Variants in PARD3B observed in about 807,000 individuals in gnomAD.
The protein encoded by PARD3B is partitioning defective 3 homolog B.
Under a neutral mutation model 130.2 loss-of-function variants are expected in PARD3B, and 103 were observed. The ratio of observed to expected loss-of-function variants is 0.79; its 90% CI spans 0.67 to 0.93. The LOEUF (loss-of-function observed/expected upper bound fraction) is 0.93, where lower values mean the gene tolerates loss of function less well. Among genes scored for constraint, PARD3B ranks in the 40% least tolerant of loss-of-function variants. The pLI is 0.00. For missense variants in PARD3B, 1,609 were observed against 1,499.2 expected (o/e 1.07, Z -1.21); for synonymous variants, 583 against 553.2 (o/e 1.05, Z -0.76).
intron 4 of PARD3B, among the ~76,000 whole-genome samples, chr2:205,088,446 G>T (rs1045737185): frequency 6.6e-6 from 1 of 152,110 alleles, no homozygotes; most frequent in African/African-American, 2.4e-5. Flanking sequence ...TGATAAGCTG[G>T]GCTTGGGGGG....
chr2:205,315,681 C>A (rs978810580), intron 18 of PARD3B, among the ~76,000 whole-genome samples: 6 of 152,096 alleles, frequency 3.9e-5, no homozygotes. Flanking sequence ...TTTAGCGTTT[C>A]TCTCTCCAAC....
At chr2:204,996,209 G>GT (rs1694156480) in intron 3 of PARD3B, among the ~76,000 whole-genome samples, 1 of 132,958 alleles carries the variant, frequency 7.5e-6, no homozygotes, top group African/African-American at 2.9e-5. Flanking sequence ...CATCTTTGTG[G>GT]TTTTATCTAC....
chr2:205,194,774 A>T (rs1015531672), intron 15 of PARD3B, among the ~76,000 whole-genome samples: 2 of 151,704 alleles, frequency 1.3e-5, no homozygotes, highest in African/African-American at 2.4e-5. Context: ...TTACATTTTA[A>T]TTTTATTATT....
At chr2:205,444,226 G>A (rs541284743) in intron 20 of PARD3B, among the ~76,000 whole-genome samples, 3 of 152,070 alleles carry the variant, frequency 2.0e-5, no homozygotes, top group African/African-American at 4.8e-5. Context: ...CAGGTGATCT[G>A]CCCCCCTTGG....
chr2:204,689,493 A>G lies in PARD3B; in HGVS notation c.222+3211A>G, dbSNP rs551858687. 6.6e-6 allele frequency among the ~76,000 whole-genome samples: 1 copy of G among 152,138 alleles called. No homozygotes were observed. Among genetic ancestry groups the G allele is most frequent in the Non-Finnish European group, 1.5e-5 (1 of 68,016 alleles). On this transcript the variant is annotated intron_variant, in intron 2 of 22. Transcript: ENST00000406610. This position sits in a 1 kb window ranked among gnomAD's most constrained non-coding sequence, Gnocchi z 5.2. ...ATTCTCAAGATTCTTCAGTTTGTCT[A>G]TCAGTCTGATGATTCGAGTTCTTTG... is the stretch of plus-strand genomic sequence containing the variant.
intron 16 of PARD3B, among the ~76,000 whole-genome samples, chr2:205,249,156 T>TAAGGAAAATCATAATTA (rs1450977575): frequency 1.3e-5 from 2 of 150,966 alleles, no homozygotes; most frequent in African/African-American, 2.4e-5. Context: ...ATTACAGGCA[T>TAAGGAAAATCATAATTA]GTGTGTGGTG....
intron 3 of PARD3B, among the ~76,000 whole-genome samples, chr2:205,003,219 T>C (rs1351090699): frequency 6.6e-6 from 1 of 152,188 alleles, no homozygotes; most frequent in African/African-American, 2.4e-5. Context: ...GACCTTGTGA[T>C]TACATTGGAC....
At position 204,990,094 on chromosome 2, in the gene PARD3B, A is replaced by T. The variant is rs78095267; in HGVS notation, c.394+24771A>T. ...ATGGTCAGCAAAACAATATAGCTAG[A>T]TTTTAAATTTTCGCCAATTTTATGG... On this transcript the variant is annotated intron_variant, in intron 3 of 22. Transcript: ENST00000406610. 2.6e-3 allele frequency among the ~76,000 whole-genome samples: 394 copies of T among 152,178 alleles called. 2 individuals are homozygous for T. The highest frequency in any genetic ancestry group is 9.2e-3 in the African/African-American group (381 of 41,548).
At chr2:204,867,379 T>A (rs1287885300) in intron 2 of PARD3B, among the ~76,000 whole-genome samples, 1 of 152,208 alleles carries the variant, frequency 6.6e-6, no homozygotes, top group Non-Finnish European at 1.5e-5. Context: ...TGGCTACATA[T>A]ATTTCTGCAT....
rs575785750 is a variant in PARD3B at position 204,701,514 on chromosome 2, T to C, written c.222+15232T>C. On this transcript the variant is annotated intron_variant, in intron 2 of 22. Coordinates refer to ENST00000406610, the MANE Select transcript of PARD3B (RefSeq NM_001302769.2). ...TATTAGCTGTAGTTTGCTTTTAAAA[T>C]GTATGTACCTTGAAATACACATATG... 8.5e-5 allele frequency among the ~76,000 whole-genome samples: 13 copies of C among 152,276 alleles called. No individual in the cohort carries two copies. The South Asian group carries it at 2.7e-3, about 32-fold the overall frequency.
At chr2:204,692,367 G>A (rs1349968139) in intron 2 of PARD3B, among the ~76,000 whole-genome samples, 1 of 151,854 alleles carries the variant, frequency 6.6e-6, no homozygotes, top group Non-Finnish European at 1.5e-5. Context: ...ACTTCTTCCC[G>A]CCTACCTGTT....
intron 16 of PARD3B, among the ~76,000 whole-genome samples, chr2:205,294,811 T>C (rs571928705): frequency 6.6e-6 from 1 of 152,212 alleles, no homozygotes; most frequent in East Asian, 1.9e-4. Context: ...GAGACCCAAA[T>C]GACAGCAGAT....
In PARD3B at chr2:205,553,331, G is replaced by T; in HGVS notation, c.3188G>T (p.Gly1063Val). 5 of 1,613,882 alleles carry T rather than the reference G, an allele frequency of 3.1e-6. No individual in the cohort carries two copies. The highest frequency in any genetic ancestry group is 4.2e-6 in the Non-Finnish European group (5 of 1,179,828). Residue 1063 changes from glycine (G) to valine (V), a missense_variant, in exon 22 of 23, where the codon GGA becomes GTA. Coordinates refer to ENST00000406610, the MANE Select transcript of PARD3B (RefSeq NM_001302769.2). ...PSEYDLLWVPGRGPDGNAHNL... is the reference protein window; with the variant it reads ...PSEYDLLWVPVRGPDGNAHNL... ...TTGCTTTTCTCTCCACAGGTGCCTG[G>T]AAGGGGTCCAGATGGGAATGCACAC... is the stretch of plus-strand genomic sequence containing the variant.
chr2:204,862,516 T>C (rs1412449249), intron 2 of PARD3B, among the ~76,000 whole-genome samples: 1 of 152,224 alleles, frequency 6.6e-6, no homozygotes, highest in Non-Finnish European at 1.5e-5. Context: ...CCTTTGCCTT[T>C]TAGTACTAGG....
intron 2 of PARD3B, among the ~76,000 whole-genome samples, chr2:204,889,944 T>C (rs1312589229): frequency 6.6e-6 from 1 of 152,248 alleles, no homozygotes; most frequent in African/African-American, 2.4e-5. Flanking sequence ...TCTAATCAGT[T>C]ACCCAGAATT....
At chr2:205,151,967 A>G (rs1475970751) in intron 10 of PARD3B, among the ~76,000 whole-genome samples, 1 of 152,082 alleles carries the variant, frequency 6.6e-6, no homozygotes, top group Non-Finnish European at 1.5e-5. Flanking sequence ...TAGTGACAAA[A>G]TCTCTCAGCA....
intron 2 of PARD3B, among the ~76,000 whole-genome samples, chr2:204,752,582 A>C (rs2040506722): frequency 6.6e-6 from 1 of 152,184 alleles, no homozygotes; most frequent in East Asian, 1.9e-4. Context: ...CTTAGAACGA[A>C]ATTCATTATT....
At chr2:204,642,033 A>G (rs1434936300) in intron 1 of PARD3B, among the ~76,000 whole-genome samples, 1 of 152,248 alleles carries the variant, frequency 6.6e-6, no homozygotes, top group Non-Finnish European at 1.5e-5. Flanking sequence ...GCTTCAGGAT[A>G]TACTTTGCCT....
chr2:205,279,445 A>G (rs2041103971), intron 16 of PARD3B, among the ~76,000 whole-genome samples: 1 of 151,958 alleles, frequency 6.6e-6, no homozygotes, highest in Non-Finnish European at 1.5e-5. Flanking sequence ...ATTTTTACCT[A>G]TTTTCAGCTT....
Sources: gnomAD v4.1 joint callset for allele counts (sites outside exome capture counted in the v4.1 genomes callset) on GRCh38, gnomAD v4.1.1 for gene constraint, Gnocchi (gnomAD v3.1) non-coding constraint, MANE v1.5 for transcripts, NCBI Gene and HGNC (gene_info 2026-07-23, HGNC 2026-07-21) for gene names.